The following RIMBP2 variants were observed in gnomAD, a reference collection of about 807,000 sequenced individuals.
The protein encoded by RIMBP2 is RIMS binding protein 2.
Under a neutral mutation model 118.6 loss-of-function variants are expected in RIMBP2, and 48 were observed. The ratio of observed to expected loss-of-function variants is 0.40; its 90% confidence interval spans 0.32 to 0.51. The LOEUF (loss-of-function observed/expected upper bound fraction) is 0.51, where lower values mean the gene tolerates loss of function less well. Ranked by LOEUF, RIMBP2 falls within the 20% of genes least tolerant of loss-of-function variation. The pLI, the probability that RIMBP2 is intolerant of heterozygous loss-of-function variation, is 0.41. For missense variants in RIMBP2, 1,551 were observed against 1,768.3 expected (o/e 0.88, Z 2.20); for synonymous variants, 762 against 742.9 (o/e 1.03, Z -0.42).
chr12:130,399,046 C>A, intron 22 of RIMBP2: 1 of 780,430 alleles, frequency 1.3e-6, no homozygotes, highest in Non-Finnish European at 1.9e-6. Flanking sequence ...AGCCTTAAGT[C>A]TACCACACTG....
chr12:130,576,435 G>T lies in RIMBP2; in HGVS notation c.-217+51887C>A, dbSNP rs543857092. On this transcript the variant is annotated intron_variant, in intron 2 of 22. Transcript: ENST00000690449. This position sits in a 1 kb window ranked among gnomAD's most constrained non-coding sequence, Gnocchi z 4.2. ...TAAACACACTACCCGTGGGCAGCTG[G>T]CAGGTGGCCAGCTGCATGCCGGCAT... Among the ~76,000 whole-genome samples the T allele has an allele frequency of 2.6e-5, 4 of 152,226 alleles. No homozygotes were observed. The East Asian group carries it at 5.8e-4, about 22-fold the overall frequency.
chr12:130,494,987 T>C (rs2049008996), intron 4 of RIMBP2, among the ~76,000 whole-genome samples: 1 of 152,224 alleles, frequency 6.6e-6, no homozygotes, highest in South Asian at 2.1e-4. Context: ...GTGGCCACGA[T>C]GCTTGGTGAT....
At chr12:130,644,524 GTA>G (rs2062761721) in intron 1 of RIMBP2, among the ~76,000 whole-genome samples, 1 of 152,308 alleles carries the variant, frequency 6.6e-6, no homozygotes, top group African/African-American at 2.4e-5. Context: ...AAGATTAAAA[GTA>G]TCCTTACTTC....
intron 2 of RIMBP2, among the ~76,000 whole-genome samples, chr12:130,527,482 T>A (rs551465882): frequency 7.8e-6 from 1 of 128,644 alleles, no homozygotes; most frequent in Non-Finnish European, 1.8e-5. Context: ...GGGAAGCACA[T>A]GGTGCTATTT....
chr12:130,615,276 C>CATATATTT (rs1555309136), intron 2 of RIMBP2, among the ~76,000 whole-genome samples: 1 of 100,266 alleles, frequency 1.0e-5, no homozygotes, highest in South Asian at 3.8e-4. Context: ...AATACACATA[C>CATATATTT]ATATATATAT....
intron 12 of RIMBP2, 30 bp downstream of exon 12, chr12:130,438,335 A>AGCCCC: frequency 3.6e-4 from 313 of 864,644 alleles, no homozygotes; most frequent in Non-Finnish European, 4.9e-4. Flanking sequence ...GGCCTAACAA[A>AGCCCC]CCCTCCCCAC....
intron 1 of RIMBP2, among the ~76,000 whole-genome samples, chr12:130,662,862 G>A (rs2063720171): frequency 6.6e-6 from 1 of 151,920 alleles, no homozygotes; most frequent in Non-Finnish European, 1.5e-5. Context: ...AAGCTGAGTT[G>A]GGAGGACTGC....
chr12:130,458,415 C>T (rs1230591948), intron 6 of RIMBP2, among the ~76,000 whole-genome samples: 1 of 152,094 alleles, frequency 6.6e-6, no homozygotes, highest in Non-Finnish European at 1.5e-5. Context: ...AATGTGGGGT[C>T]TGCAGGTGGG....
At chr12:130,606,094 G>A (rs73458767) in intron 2 of RIMBP2, among the ~76,000 whole-genome samples, 26,304 of 150,832 alleles carry the variant, frequency 0.17, 3,192 homozygotes, top group East Asian at 0.36. Flanking sequence ...GAAAAGAGAG[G>A]AAAAAAAAGC....
Position 130,664,413 on chromosome 12 carries a change from A to ACGCACACGCACGCACACGCACG in RIMBP2, c.-351-35958_-351-35957insCGTGCGTGTGCGTGCGTGTGCG, listed in dbSNP as rs746938510. Among the ~76,000 whole-genome samples the ACGCACACGCACGCACACGCACG allele has an allele frequency of 4.3e-3, 520 of 121,282 alleles. 20 individuals carry two copies. The highest frequency in any genetic ancestry group is 6.2e-3 in the Non-Finnish European group (343 of 55,082). The allele number at this position is 121,282 out of a possible 152,430, so 79.6% of individuals were successfully genotyped here. A position where few individuals can be genotyped will look rare whatever the true frequency, so the allele number is the denominator to read the frequency against. On this transcript the variant is annotated intron_variant, in intron 1 of 22. Coordinates refer to ENST00000690449, the MANE Select transcript of RIMBP2 (RefSeq NM_001393629.1). ...TGCACACACACGCACGCACGCACGC[A>ACGCACACGCACGCACACGCACG]CACACACGCACACACATGCATGCAC...
intron 1 of RIMBP2, among the ~76,000 whole-genome samples, chr12:130,629,862 T>TGGGGTACCAA (rs2061874715): frequency 6.4e-5 from 5 of 77,572 alleles, no homozygotes; most frequent in African/African-American, 1.8e-4. Flanking sequence ...AAAGCAGTCT[T>TGGGGTACCAA]GGAGTACCAA....
At chr12:130,596,856 A>G (rs2059590971) in intron 2 of RIMBP2, among the ~76,000 whole-genome samples, 1 of 152,242 alleles carries the variant, frequency 6.6e-6, no homozygotes, top group Non-Finnish European at 1.5e-5. Flanking sequence ...CATTAAATGG[A>G]TGAATTTCGT....
intron 17 of RIMBP2, among the ~76,000 whole-genome samples, chr12:130,418,666 G>T (rs1355021860): frequency 1.3e-5 from 2 of 152,192 alleles, no homozygotes; most frequent in African/African-American, 4.8e-5. Context: ...ACGTGCAGAG[G>T]GGTCAGGGGC....
rs554720625 is a variant in RIMBP2, at chr12:130,647,548, C to T, written c.-351-19092G>A. 6.2e-4 allele frequency among the ~76,000 whole-genome samples: 90 copies of T among 144,826 alleles called. 9 individuals are homozygous for T. Among genetic ancestry groups the T allele is most frequent in the African/African-American group, 2.0e-3 (80 of 40,600 alleles). ...GCACCTAGACCTCAGCTACGGAGAG[C>T]GGAGGACTGAGCTCTGAGCACCAGT... is the stretch of plus-strand genomic sequence containing the variant. On this transcript the variant is annotated intron_variant, in intron 1 of 22. Transcript: ENST00000690449.
intron 14 of RIMBP2, among the ~76,000 whole-genome samples, chr12:130,433,111 C>G (rs993194955): frequency 3.3e-5 from 5 of 152,180 alleles, no homozygotes; most frequent in African/African-American, 9.7e-5. Flanking sequence ...ATTTACAACC[C>G]AGACCACGCA....
At chr12:130,647,293 G>T (rs191237119) in intron 1 of RIMBP2, among the ~76,000 whole-genome samples, 4 of 152,166 alleles carry the variant, frequency 2.6e-5, no homozygotes, top group Non-Finnish European at 4.4e-5. Context: ...AACCCGGGGG[G>T]TGGAGGTTGC....
At chr12:130,408,454 C>T (rs12372629) in intron 19 of RIMBP2, among the ~76,000 whole-genome samples, 27,901 of 152,156 alleles carry the variant, frequency 0.18, 3,198 homozygotes, top group East Asian at 0.41. Context: ...TCTGCACAGT[C>T]GACTTAGAGG....
chr12:130,536,120 T>C (rs976335221), intron 2 of RIMBP2, among the ~76,000 whole-genome samples: 1 of 151,100 alleles, frequency 6.6e-6, no homozygotes, highest in Non-Finnish European at 1.5e-5. Flanking sequence ...ATTTTATGGG[T>C]GGAAAAAAAA....
chr12:130,556,044 G>A (rs1414332645), intron 2 of RIMBP2, among the ~76,000 whole-genome samples: 1 of 152,212 alleles, frequency 6.6e-6, no homozygotes, highest in African/African-American at 2.4e-5. Flanking sequence ...CGGGGAGGAG[G>A]AGAGGAAATG....
Sources: allele counts gnomAD v4.1 joint callset (sites outside exome capture counted in the v4.1 genomes callset), GRCh38; gene constraint gnomAD v4.1.1; non-coding constraint Gnocchi (gnomAD v3.1); transcripts MANE v1.5; gene names NCBI Gene and HGNC (gene_info 2026-07-23, HGNC 2026-07-21).